Variants in DHX35 observed in about 807,000 individuals in gnomAD.
The protein encoded by DHX35 is DEAH-box helicase 35.
Under a neutral mutation model 99.6 loss-of-function variants are expected in DHX35, and 84 were observed. The ratio of observed to expected loss-of-function variants is 0.84; its 90% confidence interval spans 0.71 to 1.01. The LOEUF (loss-of-function observed/expected upper bound fraction) is 1.01, where lower values mean the gene tolerates loss of function less well. Among genes scored for constraint, DHX35 ranks in the 50% least tolerant of loss-of-function variants. The pLI, the probability that DHX35 is intolerant of heterozygous loss-of-function variation, is 0.00. For synonymous variants in DHX35, 331 were observed against 316.2 expected (o/e 1.05, Z -0.50); for missense variants, 852 against 888.5 (o/e 0.96, Z 0.52).
intron 1 of DHX35, among the ~76,000 whole-genome samples, chr20:38,967,686 A>G (rs1251335957): frequency 6.6e-6 from 1 of 152,232 alleles, no homozygotes; most frequent in Non-Finnish European, 1.5e-5. Context: ...ATTCTTCACC[A>G]TCATGATCAC....
intron 20 of DHX35, 109 bp downstream of exon 20, chr20:39,030,884 C>A: frequency 7.9e-7 from 1 of 1,267,018 alleles, no homozygotes; most frequent in Admixed American, 1.9e-5. Flanking sequence ...TGCTCTGGGC[C>A]GGGCGTGGTG....
chr20:39,038,654 G>A lies in DHX35; in HGVS notation c.*111G>A. 6 of 1,132,688 alleles carry A rather than the reference G, an allele frequency of 5.3e-6. No individual in the cohort carries two copies. The highest frequency in any genetic ancestry group is 1.3e-5 in the South Asian group (1 of 74,868). 70.2% of individuals were successfully genotyped at this position (1,132,688 alleles called of 1,614,324 possible). A position where few individuals can be genotyped will look rare whatever the true frequency, so the allele number is the denominator to read the frequency against. On this transcript the variant is annotated 3_prime_UTR_variant, in exon 22 of 22. Coordinates refer to ENST00000252011, the MANE Select transcript of DHX35 (RefSeq NM_021931.4). ...ACCAGCTCCTGTGGAATGTTTGGTT[G>A]CTCTGAAGTGGGCTGCGGCCTGTTC...
intron 3 of DHX35, among the ~76,000 whole-genome samples, chr20:38,982,623 C>T (rs1281790212): frequency 6.6e-6 from 1 of 151,988 alleles, no homozygotes; most frequent in Admixed American, 6.6e-5. Flanking sequence ...TATCCCTGTT[C>T]CCCTCCCTCC....
chr20:38,975,405 C>G (rs187049792), intron 3 of DHX35, among the ~76,000 whole-genome samples: 1 of 152,260 alleles, frequency 6.6e-6, no homozygotes, highest in African/African-American at 2.4e-5. Context: ...AATAGTATAA[C>G]AAGTAATAAC....
chr20:39,030,199 G>T (rs1191180403), intron 19 of DHX35: 1 of 153,056 alleles, frequency 6.5e-6, no homozygotes, highest in African/African-American at 2.4e-5. Context: ...GGCTGGTCTT[G>T]AACTCCCGAC....
chr20:38,995,606 C>G (rs888278670), intron 8 of DHX35, among the ~76,000 whole-genome samples: 2 of 152,082 alleles, frequency 1.3e-5, no homozygotes, highest in Admixed American at 1.3e-4. Context: ...TTATTTTTCT[C>G]TCTTGTGGAC....
intron 12 of DHX35, among the ~76,000 whole-genome samples, chr20:39,009,540 A>G (rs1013378264): frequency 1.3e-5 from 2 of 152,078 alleles, no homozygotes; most frequent in Admixed American, 6.5e-5. Context: ...TGGGTGGAGC[A>G]TTCTCTATAT....
Position 39,027,946 on chromosome 20 carries a change from T to A in DHX35, c.1802-472T>A, listed in dbSNP as rs549535157. 7.9e-5 allele frequency among the ~76,000 whole-genome samples: 12 copies of A among 152,368 alleles called. No homozygotes were observed. The East Asian group carries it at 1.2e-3, about 15-fold the overall frequency. On this transcript the variant is annotated intron_variant, in intron 18 of 21. Coordinates refer to ENST00000252011, the MANE Select transcript of DHX35 (RefSeq NM_021931.4). ...GAAACACCAGTTAAAATGGAACATT[T>A]GAAAAATTTGAAGAATTACTTCAAT...
At chr20:39,034,774 C>CTTTTTTTTTTTTT (rs59858652) in intron 21 of DHX35, among the ~76,000 whole-genome samples, 6 of 135,140 alleles carry the variant, frequency 4.4e-5, no homozygotes, top group Admixed American at 7.4e-5. Flanking sequence ...TTTCTTTTTT[C>CTTTTTTTTTTTTT]TTTTTTTTTT....
At position 38,962,549 on chromosome 20, in the gene DHX35, C is replaced by T. The variant is rs1601348043; in HGVS notation, c.40+142C>T. 1.0e-5 allele frequency: 11 copies of T among 1,059,626 alleles called. No individual in the cohort carries two copies. The East Asian group carries it at 2.6e-4, about 25-fold the overall frequency. The allele number at this position is 1,059,626 out of a possible 1,614,324, so 65.6% of individuals were successfully genotyped here. A position where few individuals can be genotyped will look rare whatever the true frequency, so the allele number is the denominator to read the frequency against. The stretch of plus-strand genomic sequence containing the variant: ...CGCTGCCGCCTCTGTGCGGGGGGAG[C>T]TCTGGCTCAGGCTCCCCAGTGGTCC... On this transcript the variant is annotated intron_variant, in intron 1 of 21. Coordinates refer to ENST00000252011, the MANE Select transcript of DHX35 (RefSeq NM_021931.4).
At chr20:39,013,428 T>A (rs145391427) in intron 13 of DHX35, among the ~76,000 whole-genome samples, 2 of 152,350 alleles carry the variant, frequency 1.3e-5, no homozygotes, top group East Asian at 3.9e-4. Context: ...ACACTAAAAC[T>A]ATACATAAAC....
At chr20:38,973,052 G>A (rs2145839691) in intron 3 of DHX35, among the ~76,000 whole-genome samples, 2 of 152,298 alleles carry the variant, frequency 1.3e-5, no homozygotes, top group South Asian at 4.1e-4. Flanking sequence ...TTCTTACTAG[G>A]AAAAATCCTA....
chr20:39,020,768 A>G (rs1413345912), intron 15 of DHX35, among the ~76,000 whole-genome samples: 2 of 149,156 alleles, frequency 1.3e-5, no homozygotes, highest in East Asian at 2.0e-4. Flanking sequence ...AGTTCAAGCA[A>G]TTCTTGTGCC....
chr20:39,006,030 C>A, intron 11 of DHX35, 116 bp from the exon 12 acceptor site: 1 of 1,198,678 alleles, frequency 8.3e-7, no homozygotes, highest in Non-Finnish European at 1.2e-6. Context: ...GTATATTAAA[C>A]TGCCTCTCAC....
At chr20:39,012,197 T>C (rs73621985) in intron 13 of DHX35, among the ~76,000 whole-genome samples, 51,385 of 151,804 alleles carry the variant, frequency 0.34, 8,807 homozygotes, top group Middle Eastern at 0.52. Flanking sequence ...TGCAGTGAGC[T>C]GAGATTGTGC....
intron 8 of DHX35, 53 bp from the exon 9 acceptor site, chr20:39,001,677 G>A: frequency 1.4e-6 from 2 of 1,407,804 alleles, no homozygotes; most frequent in South Asian, 1.2e-5. Flanking sequence ...TCCATGAATC[G>A]CTACGAACCT....
At position 38,969,145 on chromosome 20, in the gene DHX35, A is replaced by G. The variant is rs1348436520; in HGVS notation, c.105A>G (p.Thr35=). ...AAAGTCTGGCTGAAAACTCTGGGAC[A>G]ACGGTTGTTTACAACCCTTATGCTG... ...ERQSLAENSG[T]TVVYNPYAAL... Residue 35 remains threonine, a synonymous_variant, in exon 2 of 22, where the codon ACA becomes ACG. Transcript: ENST00000252011. 3.1e-6 allele frequency: 5 copies of G among 1,614,110 alleles called. No individual in the cohort carries two copies. In the Admixed American group the frequency reaches 6.7e-5, roughly 22 times the overall value.
Position 39,028,453 on chromosome 20 carries a change from G to A in DHX35, c.1837G>A (p.Gly613Ser), listed in dbSNP as rs1300513398. The change falls in exon 19 of 22, where the codon GGC becomes AGC. Residue 613 changes from glycine (G) to serine (S), a missense_variant. By Grantham distance (56) the Gly-to-Ser change is moderately conservative. Transcript: ENST00000252011. ...PDLVLRCIVS[G>S]FFANAARFHS... ...TCTGGTTCTGAGGTGCATTGTCTCCGGCTTCTTCGCCAATGCAGCGAGGTT... is the reference window on the plus strand; with the variant it reads ...TCTGGTTCTGAGGTGCATTGTCTCCAGCTTCTTCGCCAATGCAGCGAGGTT... 16 of 1,614,068 alleles carry A rather than the reference G, an allele frequency of 9.9e-6. No homozygotes were observed. Among genetic ancestry groups the A allele is most frequent in the African/African-American group, 2.7e-5 (2 of 74,918 alleles).
chr20:39,032,789 G>A (rs1157339008), intron 20 of DHX35, among the ~76,000 whole-genome samples: 2 of 152,144 alleles, frequency 1.3e-5, no homozygotes, highest in Admixed American at 1.3e-4. Context: ...TTTCTTTTGG[G>A]CAGTAAAGTT....
Sources: gnomAD v4.1 joint callset for allele counts (sites outside exome capture counted in the v4.1 genomes callset) on GRCh38, gnomAD v4.1.1 for gene constraint, MANE v1.5 for transcripts, NCBI Gene and HGNC (gene_info 2026-07-23, HGNC 2026-07-21) for gene names.